The following ANK1 variants were observed in gnomAD, a reference collection of about 807,000 sequenced individuals.
ANK1 encodes ankyrin-1.
Under a neutral mutation model 210.4 loss-of-function variants are expected in ANK1, and 51 were observed. The observed-to-expected ratio is 0.24, with a 90% CI of 0.19 to 0.31. The LOEUF (loss-of-function observed/expected upper bound fraction) is 0.31, where lower values mean the gene tolerates loss of function less well. Ranked by LOEUF, ANK1 falls within the 10% of genes least tolerant of loss-of-function variation. The probability of loss-of-function intolerance (pLI) is 1.00; values close to 1 mark genes in which losing one functional copy is unlikely to be tolerated. For missense variants in ANK1, 2,051 were observed against 2,504.4 expected, an observed-to-expected ratio of 0.82 and a Z score of 3.86; for synonymous variants, 967 against 1,025.9, an observed-to-expected ratio of 0.94 and a Z score of 1.10.
chr8:41,726,005 C>T (rs994661147), intron 5 of ANK1, 59 bp from the exon 6 acceptor site: 110 of 1,572,034 alleles, frequency 7.0e-5, no homozygotes, highest in Non-Finnish European at 6.7e-5. Context: ...GCCCTTCACA[C>T]GGGACACACC....
intron 5 of ANK1, among the ~76,000 whole-genome samples, chr8:41,726,590 T>C (rs1830759509): frequency 6.6e-6 from 1 of 152,194 alleles, no homozygotes; most frequent in South Asian, 2.1e-4. Context: ...TCTTGCTGTG[T>C]TGCCCAGGCT....
chr8:41,656,526 G>A (rs1805769304), intron 42 of ANK1, among the ~76,000 whole-genome samples: 1 of 152,246 alleles, frequency 6.6e-6, no homozygotes, highest in Non-Finnish European at 1.5e-5. Context: ...GATTCGCAGT[G>A]AGAAACCTCT....
At position 41,653,286 on chromosome 8, in the gene ANK1, C is replaced by CTA. The variant is rs1469871332; in HGVS notation, c.*2502_*2503dup. The stretch of plus-strand genomic sequence containing the variant: ...GTTCGGCTGGTGAAGGGAGAATGGT[C>CTA]TATACATCAGAGTAGGGTAGGGGAT... On this transcript the variant is annotated 3_prime_UTR_variant, in exon 43 of 43. Transcript: ENST00000289734. The CTA allele has an allele frequency of 2.0e-5, 3 of 152,602 alleles. No individual in the cohort carries two copies. The highest frequency in any genetic ancestry group is 4.4e-5 in the Non-Finnish European group (3 of 68,052). 9.5% of individuals were successfully genotyped at this position (152,602 alleles called of 1,614,324 possible). A position where few individuals can be genotyped will look rare whatever the true frequency, so the allele number is the denominator to read the frequency against.
At chr8:41,838,113 T>C (rs990700171) in intron 1 of ANK1, among the ~76,000 whole-genome samples, 3 of 152,226 alleles carry the variant, frequency 2.0e-5, no homozygotes, top group Non-Finnish European at 4.4e-5. Flanking sequence ...AAATTGCCAC[T>C]GTTTATTGAG....
At chr8:41,707,446 T>C (rs1257462529) in intron 17 of ANK1, among the ~76,000 whole-genome samples, 1 of 152,182 alleles carries the variant, frequency 6.6e-6, no homozygotes, top group Non-Finnish European at 1.5e-5. Flanking sequence ...CAGAGGCTTG[T>C]GGGCAGTCAT....
chr8:41,879,652 T>C (rs1381544603), intron 1 of ANK1, among the ~76,000 whole-genome samples: 1 of 152,136 alleles, frequency 6.6e-6, no homozygotes, highest in Non-Finnish European at 1.5e-5. Flanking sequence ...TTCTCTTTCA[T>C]CCAGCCGTCC....
At chr8:41,722,317 T>C (rs1829471182) in intron 9 of ANK1, among the ~76,000 whole-genome samples, 1 of 152,254 alleles carries the variant, frequency 6.6e-6, no homozygotes, top group South Asian at 2.1e-4. Flanking sequence ...ACGACAGCTC[T>C]ACAGAACAGA....
At chr8:41,753,329 G>T (rs377666455) in intron 2 of ANK1, among the ~76,000 whole-genome samples, 7 of 152,004 alleles carry the variant, frequency 4.6e-5, no homozygotes, top group Non-Finnish European at 8.8e-5. Context: ...GCCTCCCAAA[G>T]TGCTGAGATT....
intron 39 of ANK1, among the ~76,000 whole-genome samples, chr8:41,666,801 T>C (rs554557998): frequency 6.6e-6 from 1 of 152,358 alleles, no homozygotes; most frequent in Admixed American, 6.5e-5. Flanking sequence ...ACGTGCATGC[T>C]GGACGTGAGG....
intron 1 of ANK1, among the ~76,000 whole-genome samples, chr8:41,863,960 A>G (rs1285700215): frequency 6.6e-6 from 1 of 152,146 alleles, no homozygotes; most frequent in East Asian, 1.9e-4. Context: ...CAAGGGTACC[A>G]CTGGCCGGGC....
upstream of ANK1, among the ~76,000 whole-genome samples, chr8:41,798,259 C>A (rs561414492): frequency 6.6e-6 from 1 of 152,198 alleles, no homozygotes; most frequent in South Asian, 2.1e-4. Flanking sequence ...GCGCGCTGCC[C>A]CCTCTGTTCT....
intron 17 of ANK1, among the ~76,000 whole-genome samples, chr8:41,707,574 G>A (rs911828903): frequency 2.0e-5 from 3 of 152,212 alleles, no homozygotes; most frequent in East Asian, 1.9e-4. Flanking sequence ...CCTCTCAGGC[G>A]GGCGCTCTGC....
At chr8:41,697,898 C>T (rs1821550480) in intron 24 of ANK1, 145 bp downstream of exon 24, 5 of 809,984 alleles carry the variant, frequency 6.2e-6, no homozygotes, top group Non-Finnish European at 1.0e-5. Context: ...TATGAGGCGT[C>T]CAAGCGTGGA....
chr8:41,880,792 T>C (rs1817452622), intron 1 of ANK1, among the ~76,000 whole-genome samples: 1 of 152,226 alleles, frequency 6.6e-6, no homozygotes. Context: ...CTGGCAGGCT[T>C]CTCCCCCGGC....
At chr8:41,813,322 T>A (rs1177842712) in intron 1 of ANK1, among the ~76,000 whole-genome samples, 1 of 152,188 alleles carries the variant, frequency 6.6e-6, no homozygotes, top group Non-Finnish European at 1.5e-5. Flanking sequence ...TTTTTAGTGA[T>A]TCCAAGTCAG....
chr8:41,827,358 G>C (rs2150794212), intron 1 of ANK1, among the ~76,000 whole-genome samples: 1 of 152,330 alleles, frequency 6.6e-6, no homozygotes, highest in South Asian at 2.1e-4. Flanking sequence ...AGAGTAGCTG[G>C]CCAAGATGCA....
chr8:41,759,472 C>G (rs906758519), intron 1 of ANK1, among the ~76,000 whole-genome samples: 1 of 152,166 alleles, frequency 6.6e-6, no homozygotes, highest in Non-Finnish European at 1.5e-5. Flanking sequence ...CACCACTCCA[C>G]TCCAGCCTGG....
chr8:41,882,793 C>G (rs1245033324), intron 1 of ANK1, among the ~76,000 whole-genome samples: 1 of 152,220 alleles, frequency 6.6e-6, no homozygotes, highest in Non-Finnish European at 1.5e-5. Context: ...CTGCTTAGCC[C>G]CCTCTCCCTC....
At chr8:41,736,729 A>G (rs1833523966) in intron 2 of ANK1, among the ~76,000 whole-genome samples, 1 of 152,220 alleles carries the variant, frequency 6.6e-6, no homozygotes, top group Admixed American at 6.5e-5. Flanking sequence ...CTTGCCGCTA[A>G]TGCTCTGGGA....
Sources: allele counts gnomAD v4.1 joint callset (sites outside exome capture counted in the v4.1 genomes callset), GRCh38; gene constraint gnomAD v4.1.1; transcripts MANE v1.5; gene names NCBI Gene and HGNC (gene_info 2026-07-23, HGNC 2026-07-21).